Variants in NUP98 observed in about 807,000 individuals in gnomAD.
NUP98 encodes the protein nucleoporin 98 and 96 precursor.
A neutral mutation model predicts 191.9 loss-of-function variants in NUP98; 26 were observed. The observed-to-expected ratio is 0.14, with a 90% CI of 0.10 to 0.19. The LOEUF (loss-of-function observed/expected upper bound fraction) is 0.19, where lower values mean the gene tolerates loss of function less well. Among genes scored for constraint, NUP98 ranks in the 10% least tolerant of loss-of-function variants. The pLI, the probability that NUP98 is intolerant of heterozygous loss-of-function variation, is 1.00. For synonymous variants in NUP98, 808 were observed against 778.4 expected (o/e 1.04, Z -0.63); for missense variants, 1,941 against 2,178.8 (o/e 0.89, Z 2.17).
intron 1 of NUP98, 101 bp from the exon 2 acceptor site, chr11:3,782,246 A>G: frequency 1.6e-6 from 1 of 615,802 alleles, no homozygotes; most frequent in East Asian, 2.9e-5. Flanking sequence ...TATTCGAACT[A>G]TAGTATATAC....
chr11:3,786,163 A>G (rs1205323807), intron 1 of NUP98, among the ~76,000 whole-genome samples: 5 of 152,248 alleles, frequency 3.3e-5, no homozygotes, highest in Admixed American at 1.3e-4. Context: ...CCAGCGGCCA[A>G]TGCTTCTAGA....
chr11:3,742,185 T>C (rs2080307727), intron 12 of NUP98, among the ~76,000 whole-genome samples: 1 of 152,016 alleles, frequency 6.6e-6, no homozygotes, highest in African/African-American at 2.4e-5. Flanking sequence ...TCCTTCAGAA[T>C]TTGGAACAGT....
chr11:3,701,842 C>CG (rs1204424229), intron 23 of NUP98, among the ~76,000 whole-genome samples: 1 of 151,910 alleles, frequency 6.6e-6, no homozygotes, highest in Non-Finnish European at 1.5e-5. Context: ...CCTGCCACAA[C>CG]GCCCAGCTAA....
chr11:3,778,942 T>C lies in NUP98; in HGVS notation c.286A>G (p.Ser96Gly), dbSNP rs1475120094. 5.0e-6 allele frequency: 8 copies of C among 1,614,108 alleles called. No individual in the cohort carries two copies. Among genetic ancestry groups the C allele is most frequent in the African/African-American group, 1.3e-5 (1 of 74,936 alleles). ...GATGAGAAGAGACTGGTCCCTGTGC[T>C]TGCAGTTCCAAACAAGGTATTTGCT... Reference protein sequence around the residue: ...GTANTLFGTASTGTSLFSSQN... With the variant: ...GTANTLFGTAGTGTSLFSSQN... The change falls in exon 4 of 33, where the codon AGC becomes GGC. Residue 96 changes from serine (S) to glycine (G), a missense_variant. This residue lies in a region of NUP98 where 154 missense variants were observed against 182.9 expected (regional missense o/e 0.84). Coordinates refer to ENST00000324932, the MANE Select transcript of NUP98 (RefSeq NM_016320.5).
intron 31 of NUP98, among the ~76,000 whole-genome samples, chr11:3,677,429 G>C (rs1474669562): frequency 2.0e-5 from 1 of 49,428 alleles, no homozygotes; most frequent in Admixed American, 2.6e-4. Context: ...TTTTTTTTTT[G>C]GGAGAAGGGG....
At position 3,746,294 on chromosome 11, in the gene NUP98, A is replaced by G. The variant is rs676230; in HGVS notation, c.1268-1645T>C. ...CAAAAAAAAAAAAAAAAAAAAAAAA[A>G]GACAGCTTTGGGACAAAGAATAAGA... is the stretch of plus-strand genomic sequence containing the variant. On this transcript the variant is annotated intron_variant, in intron 11 of 32. Transcript: ENST00000324932. 1.6e-3 allele frequency among the ~76,000 whole-genome samples: 148 copies of G among 93,060 alleles called. 2 individuals carry two copies. The highest frequency in any genetic ancestry group is 3.8e-3 in the African/African-American group (76 of 19,958). The allele number at this position is 93,060 out of a possible 152,430, so 61.1% of individuals were successfully genotyped here. A position where few individuals can be genotyped will look rare whatever the true frequency, so the allele number is the denominator to read the frequency against.
chr11:3,749,074 C>A (rs866636008), intron 11 of NUP98, among the ~76,000 whole-genome samples: 1 of 150,474 alleles, frequency 6.6e-6, no homozygotes, highest in Middle Eastern at 3.2e-3. Flanking sequence ...TTTGGGAGGC[C>A]GAGGCGGGTG....
chr11:3,776,774 G>A (rs552704256), intron 4 of NUP98, among the ~76,000 whole-genome samples: 2 of 128,248 alleles, frequency 1.6e-5, no homozygotes, highest in Non-Finnish European at 3.3e-5. Flanking sequence ...TTACAGGTGT[G>A]AGCCACAGTG....
At chr11:3,779,553 A>G (rs2081877639) in intron 2 of NUP98, among the ~76,000 whole-genome samples, 1 of 152,098 alleles carries the variant, frequency 6.6e-6, no homozygotes, top group African/African-American at 2.4e-5. Flanking sequence ...AGGCAGGAGA[A>G]CTGCTTGAAT....
chr11:3,769,825 A>C (rs545581326), intron 7 of NUP98, among the ~76,000 whole-genome samples: 1 of 151,238 alleles, frequency 6.6e-6, no homozygotes, highest in African/African-American at 2.4e-5. Flanking sequence ...CGGGTGGATC[A>C]TAAGGTCTGG....
At chr11:3,716,023 T>A (rs1243069797) in intron 18 of NUP98, among the ~76,000 whole-genome samples, 1 of 152,224 alleles carries the variant, frequency 6.6e-6, no homozygotes, top group African/African-American at 2.4e-5. Context: ...TTTTCTCCTA[T>A]TCTTATAGGT....
chr11:3,753,541 T>C, intron 10 of NUP98, 133 bp from the exon 11 acceptor site: 5 of 624,112 alleles, frequency 8.0e-6, no homozygotes, highest in Non-Finnish European at 1.4e-5. Context: ...TCCTAACTTG[T>C]AGGATAACTT....
intron 1 of NUP98, among the ~76,000 whole-genome samples, chr11:3,789,501 C>CTTTTTTTTT (rs914589009): frequency 8.1e-5 from 10 of 123,062 alleles, no homozygotes; most frequent in Non-Finnish European, 1.4e-4. Context: ...TTACCTATTT[C>CTTTTTTTTT]TTTTTTTTTT....
chr11:3,752,984 G>C (rs762887725), intron 11 of NUP98, among the ~76,000 whole-genome samples: 1 of 152,120 alleles, frequency 6.6e-6, no homozygotes, highest in Non-Finnish European at 1.5e-5. Flanking sequence ...AACAGTTTAA[G>C]GTCTCAAATC....
At chr11:3,770,800 C>A (rs141809190) in intron 7 of NUP98, among the ~76,000 whole-genome samples, 1 of 152,102 alleles carries the variant, frequency 6.6e-6, no homozygotes, top group African/African-American at 2.4e-5. Flanking sequence ...CACATTAAAC[C>A]AATGCATCGG....
In NUP98 at chr11:3,706,356, A is replaced by C. The variant is rs1402380461; in HGVS notation, c.2925+89T>G. Reference sequence around the variant, plus strand: ...ATTACAGTGAGCACTCAATGATCTTAATAACCAAGGAAGAGACCTGATCCT... The same window carrying C: ...ATTACAGTGAGCACTCAATGATCTTCATAACCAAGGAAGAGACCTGATCCT... On this transcript the variant is annotated intron_variant, in intron 21 of 32. Coordinates refer to ENST00000324932, the MANE Select transcript of NUP98 (RefSeq NM_016320.5). 13 of 1,239,166 alleles carry C rather than the reference A, an allele frequency of 1.0e-5. No individual in the cohort carries two copies. In the East Asian group the frequency reaches 3.0e-4, roughly 29 times the overall value. 76.8% of individuals were successfully genotyped at this position (1,239,166 alleles called of 1,614,324 possible). A position where few individuals can be genotyped will look rare whatever the true frequency, so the allele number is the denominator to read the frequency against.
In NUP98 at chr11:3,735,318, G is replaced by T; in HGVS notation, c.1415C>A (p.Thr472Lys). 1 of 1,460,204 alleles carries T rather than the reference G, an allele frequency of 6.8e-7. No individual in the cohort carries two copies. Among genetic ancestry groups the T allele is most frequent in the Admixed American group, 2.3e-5 (1 of 44,268 alleles). 90.5% of individuals were successfully genotyped at this position (1,460,204 alleles called of 1,614,324 possible). Reference sequence around the variant, plus strand: ...CTGGGCAGCAGAAGCATTTGGATCTGTCAAAGCTTTTAAAAAAAAAAAAAG... The same window carrying T: ...CTGGGCAGCAGAAGCATTTGGATCTTTCAAAGCTTTTAAAAAAAAAAAAAG... ...FGAPQAPVAL[T>K]DPNASAAQQA... The change falls in exon 13 of 33, where the codon ACA (threonine) becomes AAA (lysine). Residue 472 changes from threonine (T) to lysine (K), a missense_variant. By Grantham distance (78) the Thr-to-Lys change is moderately conservative. Transcript: ENST00000324932.
At position 3,691,366 on chromosome 11, in the gene NUP98, G is replaced by A; in HGVS notation, c.4435C>T (p.Leu1479=). The change falls in exon 28 of 33, where the codon CTA becomes TTA. Residue 1479 remains leucine, a synonymous_variant. Transcript: ENST00000324932. ...ATTTACCTGTCACTGTAGAGTTTTA[G>A]AAGGTGAAAGCAGACATCTCGAAGT... ...TPLRDVCFHL[L]KLYSDRHYDL... is the part of the protein sequence containing the mutation. 2.5e-6 allele frequency: 4 copies of A among 1,614,168 alleles called. No individual in the cohort carries two copies. The highest frequency in any genetic ancestry group is 3.4e-6 in the Non-Finnish European group (4 of 1,180,038).
At chr11:3,764,799 C>T (rs2081284128) in intron 8 of NUP98, among the ~76,000 whole-genome samples, 1 of 152,180 alleles carries the variant, frequency 6.6e-6, no homozygotes. Flanking sequence ...AGGCTAATCT[C>T]GAACTCCTGA....
Sources: allele counts gnomAD v4.1 joint callset (sites outside exome capture counted in the v4.1 genomes callset), GRCh38; gene constraint gnomAD v4.1.1; regional missense constraint gnomAD v4.1.1; transcripts MANE v1.5; gene names NCBI Gene and HGNC (gene_info 2026-07-23, HGNC 2026-07-21).